IGF1R: variants seen among roughly 807,000 people sequenced by gnomAD.
IGF1R encodes insulin like growth factor 1 receptor.
Under a neutral mutation model 144.6 loss-of-function variants are expected in IGF1R, and 44 were observed. The observed-to-expected ratio is 0.30, with a 90% confidence interval of 0.24 to 0.39. The LOEUF (loss-of-function observed/expected upper bound fraction) is 0.39. IGF1R is among the 10% of genes least tolerant of loss of function. The pLI is 1.00. For missense variants in IGF1R, 1,355 were observed against 1,833.7 expected, an observed-to-expected ratio of 0.74 and a Z score of 4.77; for synonymous variants, 795 against 722.8, an observed-to-expected ratio of 1.10 and a Z score of -1.60.
chr15:98,781,933 C>A (rs1228048197), intron 2 of IGF1R, among the ~76,000 whole-genome samples: 1 of 152,132 alleles, frequency 6.6e-6, no homozygotes, highest in African/African-American at 2.4e-5. Flanking sequence ...CTCTGAGCAT[C>A]TTTTCATGCA....
intron 3 of IGF1R, among the ~76,000 whole-genome samples, chr15:98,892,931 C>G (rs1260871976): frequency 2.6e-5 from 4 of 152,182 alleles, no homozygotes; most frequent in African/African-American, 9.7e-5. Flanking sequence ...GTGGGAGGAT[C>G]ACCTGAGCCC....
At chr15:98,832,927 C>G (rs772429199) in intron 2 of IGF1R, among the ~76,000 whole-genome samples, 3 of 152,120 alleles carry the variant, frequency 2.0e-5, no homozygotes, top group South Asian at 4.1e-4. Flanking sequence ...CAGTCTATGT[C>G]TGTGATAGTA....
At chr15:98,897,024 G>A in intron 4 of IGF1R, 119 bp downstream of exon 4, 1 of 912,210 alleles carries the variant, frequency 1.1e-6, no homozygotes, top group Non-Finnish European at 1.8e-6. Flanking sequence ...ACAACATGGT[G>A]TGTAAGCCTC....
chr15:98,851,207 C>G (rs957029697), intron 2 of IGF1R, among the ~76,000 whole-genome samples: 2 of 152,126 alleles, frequency 1.3e-5, no homozygotes, highest in African/African-American at 2.4e-5. Context: ...GGCTGAGGAA[C>G]GGATGCTTGG....
chr15:98,890,053 A>T (rs1470841611), intron 2 of IGF1R, among the ~76,000 whole-genome samples: 1 of 152,100 alleles, frequency 6.6e-6, no homozygotes, highest in Non-Finnish European at 1.5e-5. Flanking sequence ...TACACCATGG[A>T]TCTGTGGTTA....
intron 2 of IGF1R, among the ~76,000 whole-genome samples, chr15:98,871,300 ATTTG>A (rs2012773077): frequency 6.6e-6 from 1 of 152,222 alleles, no homozygotes; most frequent in African/African-American, 2.4e-5. Flanking sequence ...AGCATCGTCC[ATTTG>A]TTAGAGCATT....
intron 1 of IGF1R, among the ~76,000 whole-genome samples, chr15:98,653,423 A>G (rs1028653881): frequency 6.6e-6 from 1 of 152,240 alleles, no homozygotes; most frequent in Admixed American, 6.5e-5. Flanking sequence ...AAGTGGTAGT[A>G]AGGACTGAGG....
chr15:98,771,100 G>T (rs1297580015), intron 2 of IGF1R, among the ~76,000 whole-genome samples: 1 of 152,168 alleles, frequency 6.6e-6, no homozygotes, highest in African/African-American at 2.4e-5. Context: ...ATGAGGAAGT[G>T]CACCTTGGAA....
intron 2 of IGF1R, among the ~76,000 whole-genome samples, chr15:98,810,708 C>T (rs2056569503): frequency 6.6e-6 from 1 of 152,008 alleles, no homozygotes. Context: ...GCCACCACGC[C>T]CGGCTTATTT....
rs544422176 is a variant in IGF1R at position 98,784,061 on chromosome 15, G to A, written c.640+75954G>A. ...GCAGTCTCAGCTCACTGCAGCCTCT[G>A]GCTTCCGGGTTCAAGCGATTCTCCT... On this transcript the variant is annotated intron_variant, in intron 2 of 20. Transcript: ENST00000650285. 5.4e-3 allele frequency among the ~76,000 whole-genome samples: 667 copies of A among 123,944 alleles called. 25 individuals are homozygous for A. In the South Asian group the frequency reaches 0.087, roughly 16 times the overall value. The allele number at this position is 123,944 out of a possible 152,430, so 81.3% of individuals were successfully genotyped here.
rs1567086828 is a variant in IGF1R, at chr15:98,707,675, T to C, written c.208T>C (p.Tyr70His). 1 of 1,614,186 alleles carries C rather than the reference T, an allele frequency of 6.2e-7. No homozygotes were observed. Residue 70 changes from tyrosine to histidine, a missense_variant, in exon 2 of 21, where the codon TAC (tyrosine) becomes CAC (histidine). Tyr to His is a moderately conservative substitution (Grantham distance 83). Transcript: ENST00000650285. The surrounding 1 kb of genome is among the most constrained non-coding windows in gnomAD (Gnocchi z 6.7). ...HILLISKAED[Y>H]RSYRFPKLTV... ...CCTGCTCATCTCCAAGGCCGAGGAC[T>C]ACCGCAGCTACCGCTTCCCCAAGCT...
chr15:98,658,031 G>A lies in IGF1R; in HGVS notation c.94+8356G>A, dbSNP rs556579058. Among the ~76,000 whole-genome samples, 4 of 152,270 alleles carry A rather than the reference G, an allele frequency of 2.6e-5. No individual in the cohort carries two copies. The South Asian group carries it at 8.3e-4, about 32-fold the overall frequency. On this transcript the variant is annotated intron_variant, in intron 1 of 20. Transcript: ENST00000650285. ...CTTGCCAGCTCCAAATACTCAGAACGTGCCTCTTGTGGTCCTAGGATCAAG... is the reference window on the plus strand; with the variant it reads ...CTTGCCAGCTCCAAATACTCAGAACATGCCTCTTGTGGTCCTAGGATCAAG...
At chr15:98,755,071 T>A (rs969411366) in intron 2 of IGF1R, among the ~76,000 whole-genome samples, 1 of 152,232 alleles carries the variant, frequency 6.6e-6, no homozygotes, top group African/African-American at 2.4e-5. Context: ...ATAAAAGATA[T>A]ATATAGAAAA....
At chr15:98,937,181 T>C (rs913726897) in intron 17 of IGF1R, among the ~76,000 whole-genome samples, 6 of 152,202 alleles carry the variant, frequency 3.9e-5, no homozygotes, top group Admixed American at 1.3e-4. Flanking sequence ...CCGCTGCGCC[T>C]GGCCCTTGGT....
chr15:98,815,206 C>G (rs950617224), intron 2 of IGF1R, among the ~76,000 whole-genome samples: 5 of 152,220 alleles, frequency 3.3e-5, no homozygotes, highest in Non-Finnish European at 5.9e-5. Flanking sequence ...TGTCATTTGG[C>G]TCTTGGGGCA....
At chr15:98,927,723 T>C (rs2684803) in intron 13 of IGF1R, among the ~76,000 whole-genome samples, 88,402 of 152,110 alleles carry the variant, frequency 0.58, 26,387 homozygotes, top group South Asian at 0.71. Context: ...AATAAAAATA[T>C]TTCTTTCTTC....
chr15:98,821,382 A>G (rs1390387283), intron 2 of IGF1R, among the ~76,000 whole-genome samples: 1 of 152,048 alleles, frequency 6.6e-6, no homozygotes, highest in Non-Finnish European at 1.5e-5. Flanking sequence ...GAACTTAAAT[A>G]TTAACGTGTA....
chr15:98,884,213 G>T (rs1242001797), intron 2 of IGF1R, among the ~76,000 whole-genome samples: 1 of 152,052 alleles, frequency 6.6e-6, no homozygotes, highest in East Asian at 1.9e-4. Flanking sequence ...GGCATCCTCA[G>T]ACCTCCCCCA....
At position 98,922,345 on chromosome 15, in the gene IGF1R, G is replaced by A. The variant is rs780701626; in HGVS notation, c.2399G>A (p.Arg800His). The A allele has an allele frequency of 4.3e-6, 7 of 1,614,132 alleles. No homozygotes were observed. The highest frequency in any genetic ancestry group is 5.1e-6 in the Non-Finnish European group (6 of 1,180,010). Residue 800 changes from arginine to histidine, a missense_variant, in exon 11 of 21, where the codon CGC (arginine) becomes CAC (histidine). Physicochemically the swap from Arg to His is conservative, Grantham distance 29 (BLOSUM62 0). This residue lies in a region of IGF1R where 880 missense variants were observed against 1,202.7 expected (regional missense o/e 0.73). Coordinates refer to ENST00000650285, the MANE Select transcript of IGF1R (RefSeq NM_000875.5). Reference sequence around the variant, plus strand: ...AACCTTCGGCCTTTCACATTGTACCGCATCGATATCCACAGCTGCAACCAC... The same window carrying A: ...AACCTTCGGCCTTTCACATTGTACCACATCGATATCCACAGCTGCAACCAC... ...ISNLRPFTLY[R>H]IDIHSCNHEA...
Sources: gnomAD v4.1 joint callset for allele counts (sites outside exome capture counted in the v4.1 genomes callset) on GRCh38, gnomAD v4.1.1 for gene constraint, gnomAD v4.1.1 regional missense constraint, Gnocchi (gnomAD v3.1) non-coding constraint, MANE v1.5 for transcripts, NCBI Gene and HGNC (gene_info 2026-07-23, HGNC 2026-07-21) for gene names.